Variants in CA10 observed in about 807,000 individuals in gnomAD.
CA10 encodes carbonic anhydrase-related protein 10.
A neutral mutation model predicts 44.2 loss-of-function variants in CA10; 14 were observed. That is an observed-to-expected ratio of 0.32 (90% CI 0.21 to 0.50). CA10 has a LOEUF of 0.50. Ranked by LOEUF, CA10 falls within the 20% of genes least tolerant of loss-of-function variation. The pLI, the probability that CA10 is intolerant of heterozygous loss-of-function variation, is 0.99. For synonymous variants in CA10, 159 were observed against 141.6 expected, an observed-to-expected ratio of 1.12 and a Z score of -0.87; for missense variants, 350 against 409.7, an observed-to-expected ratio of 0.85 and a Z score of 1.26.
At chr17:52,077,490 G>A (rs1987847484) in intron 1 of CA10, among the ~76,000 whole-genome samples, 1 of 152,120 alleles carries the variant, frequency 6.6e-6, no homozygotes, top group Non-Finnish European at 1.5e-5. Context: ...ATGCAGGGGT[G>A]TAGCTGTGTG....
chr17:51,688,676 G>A (rs543420602), intron 4 of CA10, among the ~76,000 whole-genome samples: 1 of 152,120 alleles, frequency 6.6e-6, no homozygotes. Flanking sequence ...TGCCTGAATT[G>A]TATCCCTTTC....
chr17:51,745,027 C>T (rs1904626028), intron 4 of CA10, among the ~76,000 whole-genome samples: 1 of 152,180 alleles, frequency 6.6e-6, no homozygotes, highest in South Asian at 2.1e-4. Context: ...GAGGCCAGTG[C>T]TCAAGCCTAC....
At chr17:52,131,896 A>G (rs188598744) in intron 1 of CA10, among the ~76,000 whole-genome samples, 164 of 152,284 alleles carry the variant, frequency 1.1e-3, no homozygotes, top group African/African-American at 3.7e-3. Flanking sequence ...CATTCTCAGT[A>G]AACTATAGCT....
rs533022032 is a variant in CA10 at position 52,127,259 on chromosome 17, T to A, written c.61+30467A>T. ...TTTTTGACATATGTCTTGGAGACTT[T>A]ACCATGTGGGGACATCGAGTTCTAG... is the stretch of plus-strand genomic sequence containing the variant. On this transcript the variant is annotated intron_variant, in intron 1 of 8. Coordinates refer to ENST00000451037, the MANE Select transcript of CA10 (RefSeq NM_020178.5). Among the ~76,000 whole-genome samples the A allele has an allele frequency of 2.6e-5, 4 of 152,360 alleles. No homozygotes were observed. The East Asian group carries it at 7.7e-4, about 29-fold the overall frequency.
At chr17:51,998,831 A>G (rs1460987764) in intron 2 of CA10, among the ~76,000 whole-genome samples, 1 of 151,986 alleles carries the variant, frequency 6.6e-6, no homozygotes, top group African/African-American at 2.4e-5. Flanking sequence ...CCATCAGCTG[A>G]GAGTAATCAA....
intron 2 of CA10, among the ~76,000 whole-genome samples, chr17:52,054,989 G>C (rs918714190): frequency 6.6e-6 from 1 of 151,990 alleles, no homozygotes; most frequent in African/African-American, 2.4e-5. Context: ...AGCATTTACA[G>C]ATCAGGAAAC....
intron 2 of CA10, among the ~76,000 whole-genome samples, chr17:51,969,654 T>A (rs537337837): frequency 6.6e-6 from 1 of 152,022 alleles, no homozygotes; most frequent in East Asian, 1.9e-4. Context: ...AGCTACATAT[T>A]CATATTTCCA....
At chr17:51,973,021 AG>A (rs903636063) in intron 2 of CA10, among the ~76,000 whole-genome samples, 4 of 152,208 alleles carry the variant, frequency 2.6e-5, no homozygotes, top group Non-Finnish European at 4.4e-5. Context: ...CCAATTGATG[AG>A]GCAGCATTCT....
At chr17:51,956,819 C>G (rs759990649) in intron 2 of CA10, among the ~76,000 whole-genome samples, 4 of 151,446 alleles carry the variant, frequency 2.6e-5, no homozygotes, top group Non-Finnish European at 5.9e-5. Context: ...TTTTTTTGAC[C>G]CACACCCAAA....
chr17:52,105,270 T>TG lies in CA10; in HGVS notation c.62-32878_62-32877insC, dbSNP rs201585255. Among the ~76,000 whole-genome samples, 510 of 152,062 alleles carry TG rather than the reference T, an allele frequency of 3.4e-3. 2 individuals are homozygous for TG. Among genetic ancestry groups the TG allele is most frequent in the African/African-American group, 0.012 (486 of 41,460 alleles). On this transcript the variant is annotated intron_variant, in intron 1 of 8. Transcript: ENST00000451037. ...CCTCATGTTTTTTTGTTTTTTTTTTTTGAAATGGAGTCTTGGCTCTGTCGC... is the reference window on the plus strand; with the variant it reads ...CCTCATGTTTTTTTGTTTTTTTTTTTGTGAAATGGAGTCTTGGCTCTGTCGC...
intron 1 of CA10, among the ~76,000 whole-genome samples, chr17:52,141,723 G>A (rs1989484144): frequency 1.3e-5 from 2 of 152,264 alleles, no homozygotes; most frequent in Non-Finnish European, 2.9e-5. Flanking sequence ...GCTGAGCTCT[G>A]GTCTGAGTTG....
chr17:52,014,597 T>A (rs1005093), intron 2 of CA10, among the ~76,000 whole-genome samples: 150,299 of 152,180 alleles, frequency 0.99, 74,250 homozygotes, highest in East Asian at 1. Context: ...TCAGCTATCA[T>A]GGAAAAGTTA....
chr17:52,141,491 G>A (rs946667404), intron 1 of CA10, among the ~76,000 whole-genome samples: 1 of 152,176 alleles, frequency 6.6e-6, no homozygotes, highest in African/African-American at 2.4e-5. Context: ...TGATTCAACT[G>A]TTTCTCAGAA....
intron 6 of CA10, among the ~76,000 whole-genome samples, chr17:51,639,856 A>G (rs997458395): frequency 7.9e-5 from 12 of 152,242 alleles, no homozygotes; most frequent in African/African-American, 2.6e-4. Context: ...CAGTTTCTAC[A>G]TTTGCAATAA....
chr17:51,900,122 T>C (rs1236857089), intron 3 of CA10, among the ~76,000 whole-genome samples: 22 of 152,112 alleles, frequency 1.4e-4, no homozygotes, highest in Admixed American at 1.4e-3. Flanking sequence ...GGCTTTATAG[T>C]GTCAATATTC....
intron 3 of CA10, among the ~76,000 whole-genome samples, chr17:51,918,713 C>G (rs149843069): frequency 2.8e-4 from 42 of 152,228 alleles, no homozygotes; most frequent in Non-Finnish European, 3.1e-4. Context: ...ATAAAACTCT[C>G]GCCTTACTGA....
rs1983966240 is a variant in CA10 at position 51,963,447 on chromosome 17, T to C, written c.137-32315A>G. Among the ~76,000 whole-genome samples, 5 of 152,064 alleles carry C rather than the reference T, an allele frequency of 3.3e-5. No homozygotes were observed. The South Asian group carries it at 1.0e-3, about 32-fold the overall frequency. On this transcript the variant is annotated intron_variant, in intron 2 of 8. Coordinates refer to ENST00000451037, the MANE Select transcript of CA10 (RefSeq NM_020178.5). The stretch of plus-strand genomic sequence containing the variant: ...TGCAGTATCCCATGCAAAATGAACA[T>C]CACCAAAGCAGTTACCCACCAGACT...
At chr17:51,866,199 C>G (rs1979538893) in intron 3 of CA10, among the ~76,000 whole-genome samples, 1 of 152,220 alleles carries the variant, frequency 6.6e-6, no homozygotes, top group South Asian at 2.1e-4. Context: ...AGGACTACTG[C>G]TCCCATGTCT....
chr17:51,898,757 T>G (rs143147271), intron 3 of CA10, among the ~76,000 whole-genome samples: 1 of 152,250 alleles, frequency 6.6e-6, no homozygotes, highest in Non-Finnish European at 1.5e-5. Flanking sequence ...GGTATTCAGT[T>G]TCTTTCTGGT....
Sources: allele counts gnomAD v4.1 joint callset (sites outside exome capture counted in the v4.1 genomes callset), GRCh38; gene constraint gnomAD v4.1.1; transcripts MANE v1.5; gene names NCBI Gene and HGNC (gene_info 2026-07-23, HGNC 2026-07-21).